CAST: variants seen among roughly 807,000 people sequenced by gnomAD.
CAST encodes calpastatin.
CAST carries 76 observed loss-of-function variants against 119.6 expected under a neutral mutation model. The observed-to-expected ratio is 0.64, with a 90% CI of 0.53 to 0.77. The LOEUF (loss-of-function observed/expected upper bound fraction) is 0.77, where lower values mean the gene tolerates loss of function less well. Among genes scored for constraint, CAST ranks in the 30% least tolerant of loss-of-function variants. The pLI is 0.00. For missense variants in CAST, 953 were observed against 946.5 expected (o/e 1.01, Z -0.09); for synonymous variants, 319 against 331.6 (o/e 0.96, Z 0.41).
chr5:96,091,001 G>A, the CAST span, among the ~76,000 whole-genome samples: 2 of 151,970 alleles, frequency 1.3e-5, no homozygotes, highest in Non-Finnish European at 2.9e-5. Flanking sequence ...AGGTTCCCAG[G>A]TGCATTTTGG....
rs1554068075 is a variant in CAST, at chr5:96,565,077, G to GGGGTGT, written c.60+35198_60+35199insGGTGTG. Among the ~76,000 whole-genome samples the GGGGTGT allele has an allele frequency of 4.7e-5, 7 of 148,750 alleles. No homozygotes were observed. The South Asian group carries it at 1.3e-3, about 28-fold the overall frequency. On this transcript the variant is annotated intron_variant, in intron 1 of 11. Transcript: ENST00000505143. ...TTAAAGTATAAAAACACATGGGAAA[G>GGGGTGT]GTGTGTGTGTGTGTGTGTGTGTGTG...
chr5:96,692,738 C>T (rs1273542576), intron 2 of CAST, among the ~76,000 whole-genome samples: 1 of 152,208 alleles, frequency 6.6e-6, no homozygotes, highest in Admixed American at 6.5e-5. Flanking sequence ...GTTACCTCAT[C>T]CCATCTCACA....
the CAST span, among the ~76,000 whole-genome samples, chr5:96,296,205 G>C: frequency 6.6e-6 from 1 of 152,040 alleles, no homozygotes; most frequent in African/African-American, 2.4e-5. Context: ...CCTTCTACAG[G>C]GTTTGCTACA....
the CAST span, among the ~76,000 whole-genome samples, chr5:96,130,995 C>T: frequency 2.6e-5 from 4 of 152,196 alleles, no homozygotes; most frequent in East Asian, 7.7e-4. Flanking sequence ...AACATACATA[C>T]ACCTTTATCT....
the CAST span, among the ~76,000 whole-genome samples, chr5:96,143,133 A>T: frequency 6.6e-6 from 1 of 152,268 alleles, no homozygotes; most frequent in Non-Finnish European, 1.5e-5. Context: ...GTAAAAGACA[A>T]TTCAATGACC....
the CAST span, among the ~76,000 whole-genome samples, chr5:96,194,762 T>C: frequency 6.6e-6 from 1 of 152,332 alleles, no homozygotes; most frequent in Non-Finnish European, 1.5e-5. Flanking sequence ...CATGGACTGG[T>C]GACAATTTCC....
At chr5:96,305,396 C>T in the CAST span, among the ~76,000 whole-genome samples, 1 of 152,216 alleles carries the variant, frequency 6.6e-6, no homozygotes, top group Admixed American at 6.5e-5. Flanking sequence ...ATGTCATCTG[C>T]AAACAAAGAC....
At chr5:96,712,420 G>C (rs1405456125) in intron 3 of CAST, among the ~76,000 whole-genome samples, 1 of 152,048 alleles carries the variant, frequency 6.6e-6, no homozygotes, top group Non-Finnish European at 1.5e-5. Flanking sequence ...CAGCCTTTAT[G>C]TCCAGGCTCA....
Position 96,672,799 on chromosome 5 carries a change from G to A in CAST, c.76-2740G>A, listed in dbSNP as rs963077335. Among the ~76,000 whole-genome samples the A allele has an allele frequency of 3.3e-5, 5 of 149,582 alleles. No individual in the cohort carries two copies. The East Asian group carries it at 9.8e-4, about 29-fold the overall frequency. The stretch of plus-strand genomic sequence containing the variant: ...TTTATTATAAGTGATTTTTATTTAT[G>A]TCATTATACTTTTGTGTATTTTAAA... On this transcript the variant is annotated intron_variant, in intron 1 of 31. Transcript: ENST00000675179.
At chr5:96,537,752 T>C (rs1197503335) in intron 1 of CAST, among the ~76,000 whole-genome samples, 1 of 152,190 alleles carries the variant, frequency 6.6e-6, no homozygotes, top group African/African-American at 2.4e-5. Flanking sequence ...AGTAATCTGA[T>C]TGTCACTCGG....
At chr5:96,516,479 C>T in the CAST span, among the ~76,000 whole-genome samples, 1 of 152,160 alleles carries the variant, frequency 6.6e-6, no homozygotes, top group South Asian at 2.1e-4. Flanking sequence ...CATCCATTCT[C>T]ATTTATCATG....
At chr5:96,241,196 A>G in the CAST span, among the ~76,000 whole-genome samples, 224 of 142,822 alleles carry the variant, frequency 1.6e-3, 1 homozygote, top group African/African-American at 5.6e-3. Flanking sequence ...ATATCTCCCA[A>G]TGCTATCCCT....
chr5:96,234,814 T>C, the CAST span, among the ~76,000 whole-genome samples: 1 of 151,842 alleles, frequency 6.6e-6, no homozygotes, highest in African/African-American at 2.4e-5. Context: ...TGTGTGTGGG[T>C]TGTGTATGTG....
chr5:96,676,132 T>A (rs1426872830), intron 2 of CAST, among the ~76,000 whole-genome samples: 1 of 152,226 alleles, frequency 6.6e-6, no homozygotes, highest in African/African-American at 2.4e-5. Context: ...CTGAATGACA[T>A]ACCATTCTTT....
chr5:96,490,029 T>A, the CAST span, among the ~76,000 whole-genome samples: 10 of 152,244 alleles, frequency 6.6e-5, no homozygotes, highest in African/African-American at 2.2e-4. Context: ...TCTGGACATA[T>A]GTGCTTTCTG....
intron 16 of CAST, among the ~76,000 whole-genome samples, chr5:96,745,221 A>C (rs980004185): frequency 6.6e-6 from 1 of 152,204 alleles, no homozygotes; most frequent in Non-Finnish European, 1.5e-5. Context: ...GAAATGTTTA[A>C]AAGAAAACCA....
the CAST span, among the ~76,000 whole-genome samples, chr5:96,432,323 A>G: frequency 2.6e-5 from 4 of 152,174 alleles, no homozygotes; most frequent in African/African-American, 9.7e-5. Flanking sequence ...GAGTCCCAGC[A>G]GCTGGCACTC....
chr5:96,406,775 C>G, the CAST span, among the ~76,000 whole-genome samples: 1 of 152,186 alleles, frequency 6.6e-6, no homozygotes, highest in Admixed American at 6.5e-5. Context: ...GTAATTTATT[C>G]TAGGATAATC....
chr5:96,681,392 C>T (rs1295529709), intron 2 of CAST, among the ~76,000 whole-genome samples: 1 of 152,122 alleles, frequency 6.6e-6, no homozygotes, highest in Non-Finnish European at 1.5e-5. Flanking sequence ...GCCTATTTTT[C>T]TTGCCTTGGT....
Sources: gnomAD v4.1 joint callset for allele counts (sites outside exome capture counted in the v4.1 genomes callset) on GRCh38, gnomAD v4.1.1 for gene constraint, MANE v1.5 for transcripts, NCBI Gene and HGNC (gene_info 2026-07-23, HGNC 2026-07-21) for gene names.